The following CEP70 variants were observed in gnomAD, a reference collection of about 807,000 sequenced individuals.
CEP70 encodes the protein centrosomal protein 70.
A neutral mutation model predicts 90.9 loss-of-function variants in CEP70; 70 were observed. The ratio of observed to expected loss-of-function variants is 0.77; its 90% CI spans 0.64 to 0.94. The LOEUF is 0.94. Ranked by LOEUF, CEP70 falls within the 40% of genes least tolerant of loss-of-function variation. The pLI is 0.00. For missense variants in CEP70, 648 were observed against 669.0 expected (o/e 0.97, Z 0.35); for synonymous variants, 220 against 228.3 (o/e 0.96, Z 0.33).
At chr3:138,577,393 A>G (rs1298361246) in intron 2 of CEP70, among the ~76,000 whole-genome samples, 1 of 152,128 alleles carries the variant, frequency 6.6e-6, no homozygotes, top group Admixed American at 6.5e-5. Context: ...TCATGCCTCT[A>G]ATCCCAGCAC....
intron 6 of CEP70, 139 bp downstream of exon 6, chr3:138,570,179 G>A: frequency 1.5e-5 from 8 of 550,748 alleles, no homozygotes; most frequent in Non-Finnish European, 2.5e-5. Context: ...TAGAAACCAA[G>A]TGAAGAGAAT....
At position 138,525,530 on chromosome 3, in the gene CEP70, G is replaced by A; in HGVS notation, c.904C>T (p.Gln302Ter). 2 of 1,421,182 alleles carry A rather than the reference G, an allele frequency of 1.4e-6. No individual in the cohort carries two copies. Among genetic ancestry groups the A allele is most frequent in the Non-Finnish European group, 1.9e-6 (2 of 1,080,042 alleles). 88.0% of individuals were successfully genotyped at this position (1,421,182 alleles called of 1,614,324 possible). A position where few individuals can be genotyped will look rare whatever the true frequency, so the allele number is the denominator to read the frequency against. ...TQHELRLYKQ[Q>*]VKKLEKALKK... is the part of the protein sequence containing the mutation. ...AGGGCTTTTTCCAGCTTCTTCACCT[G>A]CTGTTTATAAAGTCTTAATTCATGC... The change falls in exon 11 of 18, where the codon CAG becomes TAG. Residue 302 changes from glutamine (Q) to a stop codon, truncating the protein, a stop_gained. Coordinates refer to ENST00000264982, the MANE Select transcript of CEP70 (RefSeq NM_024491.4). LOFTEE classifies it high-confidence loss of function.
chr3:138,579,339 T>C (rs2041725477), intron 2 of CEP70, among the ~76,000 whole-genome samples: 1 of 152,068 alleles, frequency 6.6e-6, no homozygotes, highest in African/African-American at 2.4e-5. Context: ...GGCTCAGAGC[T>C]AGTGCTCTTG....
intron 13 of CEP70, among the ~76,000 whole-genome samples, chr3:138,502,156 A>G (rs748534057): frequency 6.6e-6 from 1 of 152,194 alleles, no homozygotes; most frequent in Non-Finnish European, 1.5e-5. Flanking sequence ...ATTTAACCCA[A>G]TATATCCAAA....
At chr3:138,529,313 A>G (rs1428516871) in intron 9 of CEP70, 26 bp from the exon 10 acceptor site, 1 of 1,575,586 alleles carries the variant, frequency 6.3e-7, no homozygotes. Flanking sequence ...TAGAAAAATA[A>G]TTAACTTTCT....
chr3:138,582,564 G>A (rs952870699), intron 2 of CEP70, among the ~76,000 whole-genome samples: 2 of 151,898 alleles, frequency 1.3e-5, no homozygotes, highest in East Asian at 3.9e-4. Context: ...ACAAGGTCAT[G>A]TTCAAGATCA....
chr3:138,505,252 T>C (rs2034871914), intron 13 of CEP70, 43 bp downstream of exon 13: 2 of 1,452,268 alleles, frequency 1.4e-6, no homozygotes, highest in Non-Finnish European at 1.8e-6. Flanking sequence ...GCACATAGAG[T>C]CCAATAGATG....
rs59655858 is a variant in CEP70 at position 138,565,874 on chromosome 3, A to G, written c.465+4444T>C. 2.7e-3 allele frequency among the ~76,000 whole-genome samples: 414 copies of G among 152,322 alleles called. 1 individual carries two copies. Among genetic ancestry groups the G allele is most frequent in the African/African-American group, 8.8e-3 (365 of 41,566 alleles). ...CTGCACAGCAAAAGAAACTACCATC[A>G]GAGTGAACAGGCAACCTACAGAATG... On this transcript the variant is annotated intron_variant, in intron 6 of 17. Transcript: ENST00000264982.
At chr3:138,536,181 A>G (rs1438268306) in intron 7 of CEP70, among the ~76,000 whole-genome samples, 1 of 152,158 alleles carries the variant, frequency 6.6e-6, no homozygotes, top group Non-Finnish European at 1.5e-5. Flanking sequence ...AGGTGCTAGT[A>G]CATAAGAGAG....
At chr3:138,564,070 G>C (rs1050842457) in intron 6 of CEP70, among the ~76,000 whole-genome samples, 3 of 152,048 alleles carry the variant, frequency 2.0e-5, no homozygotes, top group Non-Finnish European at 4.4e-5. Flanking sequence ...CTATAAACAT[G>C]TCTATGCAAA....
chr3:138,584,272 T>C (rs771387016), intron 2 of CEP70, among the ~76,000 whole-genome samples: 1 of 151,882 alleles, frequency 6.6e-6, no homozygotes, highest in Non-Finnish European at 1.5e-5. Context: ...ATTGAAGCTA[T>C]AATAAAAAGT....
At chr3:138,518,048 C>T (rs1386827218) in intron 11 of CEP70, among the ~76,000 whole-genome samples, 2 of 152,202 alleles carry the variant, frequency 1.3e-5, no homozygotes, top group Non-Finnish European at 2.9e-5. Context: ...CCGCACCTGG[C>T]TTGGAGGGTC....
chr3:138,525,165 C>CA (rs2037088046), intron 11 of CEP70, among the ~76,000 whole-genome samples: 2 of 149,494 alleles, frequency 1.3e-5, no homozygotes, highest in Non-Finnish European at 3.0e-5. Context: ...ATCGCAAGGA[C>CA]AAAAAACCAA....
intron 6 of CEP70, among the ~76,000 whole-genome samples, chr3:138,554,616 A>G (rs1307071387): frequency 6.6e-6 from 1 of 152,236 alleles, no homozygotes; most frequent in African/African-American, 2.4e-5. Flanking sequence ...TGAATTTAGC[A>G]AAGTTTCAGG....
At chr3:138,527,945 T>C (rs1168850353) in intron 10 of CEP70, among the ~76,000 whole-genome samples, 1 of 151,822 alleles carries the variant, frequency 6.6e-6, no homozygotes, top group Non-Finnish European at 1.5e-5. Context: ...ATTCAATAAA[T>C]TGTGTACCTT....
At chr3:138,552,846 C>T (rs1352543405) in intron 6 of CEP70, among the ~76,000 whole-genome samples, 1 of 151,986 alleles carries the variant, frequency 6.6e-6, no homozygotes, top group African/African-American at 2.4e-5. Flanking sequence ...CTAAATGAAA[C>T]TGAAACAATC....
chr3:138,549,775 A>T (rs1246570973), intron 6 of CEP70, among the ~76,000 whole-genome samples: 1 of 152,126 alleles, frequency 6.6e-6, no homozygotes, highest in African/African-American at 2.4e-5. Context: ...ATAGCGCATT[A>T]AACAACCAAA....
At chr3:138,569,819 G>C (rs2041041678) in intron 6 of CEP70, among the ~76,000 whole-genome samples, 1 of 152,226 alleles carries the variant, frequency 6.6e-6, no homozygotes, top group Non-Finnish European at 1.5e-5. Flanking sequence ...ACTGGGCTGT[G>C]ATTGCGCCAC....
chr3:138,584,398 T>C (rs1249604477), intron 2 of CEP70, among the ~76,000 whole-genome samples: 1 of 140,014 alleles, frequency 7.1e-6, no homozygotes, highest in Non-Finnish European at 1.5e-5. Flanking sequence ...GAGGAGGGAA[T>C]ACATCCAAAC....
Sources: allele counts gnomAD v4.1 joint callset (sites outside exome capture counted in the v4.1 genomes callset), GRCh38; gene constraint gnomAD v4.1.1; transcripts MANE v1.5; gene names NCBI Gene and HGNC (gene_info 2026-07-23, HGNC 2026-07-21).